Variants in CFAP92 observed in about 807,000 individuals in gnomAD.
CFAP92 encodes cilia and flagella associated protein 92 (putative).
In CFAP92, 86 loss-of-function variants were observed where a neutral mutation model predicts 106.3. The ratio of observed to expected loss-of-function variants is 0.81; its 90% CI spans 0.68 to 0.97. The LOEUF is 0.97. CFAP92 is among the 50% of genes least tolerant of loss of function. CFAP92 has a pLI of 0.00. For missense variants in CFAP92, 1,204 were observed against 1,283.8 expected (o/e 0.94, Z 0.95); for synonymous variants, 477 against 506.4 (o/e 0.94, Z 0.78).
At chr3:128,975,617 G>C (rs1023846022) in intron 7 of CFAP92, among the ~76,000 whole-genome samples, 162 bp downstream of exon 7, 1 of 152,182 alleles carries the variant, frequency 6.6e-6, no homozygotes, top group African/African-American at 2.4e-5. Context: ...TAGACGGTAA[G>C]GATGGGATGC....
chr3:128,975,245 A>G (rs2107788522), intron 7 of CFAP92, among the ~76,000 whole-genome samples: 1 of 152,358 alleles, frequency 6.6e-6, no homozygotes, highest in African/African-American at 2.4e-5. Flanking sequence ...CACAACATCT[A>G]TCACAAAGAA....
At chr3:128,946,018 A>G in intron 9 of CFAP92, 43 bp from the exon 10 acceptor site, 1 of 1,357,210 alleles carries the variant, frequency 7.4e-7, no homozygotes, top group Non-Finnish European at 9.6e-7. Flanking sequence ...AGCCACAAGG[A>G]CAGTCACTCA....
At chr3:129,002,034 G>A (rs1448679388) in intron 1 of CFAP92, 2 of 1,543,990 alleles carry the variant, frequency 1.3e-6, no homozygotes, top group East Asian at 2.5e-5. Flanking sequence ...GCTGCGCGCC[G>A]AGCCGCCGGA....
chr3:128,935,907 T>C (rs1576438783), intron 10 of CFAP92, among the ~76,000 whole-genome samples: 1 of 151,886 alleles, frequency 6.6e-6, no homozygotes, highest in African/African-American at 2.4e-5. Context: ...ACTAAAAGGA[T>C]AGAAAAAAAA....
rs745735904 is a variant in CFAP92 at position 128,912,486 on chromosome 3, ATC to A, written c.3281-2155_3281-2154del. The A allele has an allele frequency of 4.4e-6, 7 of 1,604,602 alleles. No individual in the cohort carries two copies. In the African/African-American group the frequency reaches 9.4e-5, roughly 21 times the overall value. On this transcript the variant is annotated intron_variant, in intron 15 of 15. Transcript: ENST00000645291. ...TCACGGTGCAGAAAGATCACCCACC[ATC>A]TCTCCTTTTCCTTCCCAGATGCTCC... is the stretch of plus-strand genomic sequence containing the variant.
chr3:128,926,493 G>GA (rs1475856686), intron 12 of CFAP92, among the ~76,000 whole-genome samples: 1 of 152,146 alleles, frequency 6.6e-6, no homozygotes, highest in Non-Finnish European at 1.5e-5. Context: ...CAGGCTTGGG[G>GA]AGAAAGCCTG....
intron 9 of CFAP92, among the ~76,000 whole-genome samples, chr3:128,963,305 A>T (rs893782090): frequency 1.3e-5 from 2 of 152,174 alleles, no homozygotes; most frequent in Admixed American, 6.5e-5. Context: ...CTGTCCAAAC[A>T]ACTTGACCTT....
chr3:128,953,797 G>A (rs1303061182), intron 9 of CFAP92, among the ~76,000 whole-genome samples: 892 of 105,220 alleles, frequency 8.5e-3, no homozygotes, highest in Admixed American at 0.011. Context: ...GGTGGAGACG[G>A]GGTTTCGCTG....
chr3:128,932,831 G>C lies in CFAP92; in HGVS notation c.2620C>G (p.Pro874Ala). Residue 874 changes from proline to alanine, a missense_variant, in exon 12 of 16, where the codon CCC (proline) becomes GCC (alanine). Pro to Ala is a conservative substitution (Grantham distance 27). Transcript: ENST00000645291. ...KLFALPPQPA[P>A]NLEDYHSRNS... The stretch of plus-strand genomic sequence containing the variant: ...CGACTGTGGTAGTCCTCAAGATTGG[G>C]GGCAGGCTGAGGTGGTAGGGCAAAC... The C allele has an allele frequency of 1.3e-6, 2 of 1,536,232 alleles. No individual in the cohort carries two copies. The highest frequency in any genetic ancestry group is 1.2e-5 in the South Asian group (1 of 84,064).
the CFAP92 span, among the ~76,000 whole-genome samples, chr3:129,020,673 T>C: frequency 6.6e-6 from 1 of 152,062 alleles, no homozygotes; most frequent in Admixed American, 6.6e-5. Flanking sequence ...AAGTTGAGTC[T>C]CAAAGAGGTG....
the CFAP92 span, among the ~76,000 whole-genome samples, chr3:129,008,835 C>A: frequency 6.6e-6 from 1 of 152,204 alleles, no homozygotes; most frequent in Non-Finnish European, 1.5e-5. Flanking sequence ...TCCTAAGAGG[C>A]TCCTGGTCCC....
intron 4 of CFAP92, among the ~76,000 whole-genome samples, chr3:128,982,455 ACCATTAAAACTT>A (rs1943592555): frequency 6.6e-6 from 1 of 152,172 alleles, no homozygotes; most frequent in African/African-American, 2.4e-5. Context: ...TTCTATCCAG[ACCATTAAAACTT>A]CCTCTGTATC....
At chr3:128,988,317 G>A (rs1438693002) in intron 3 of CFAP92, among the ~76,000 whole-genome samples, 1 of 152,180 alleles carries the variant, frequency 6.6e-6, no homozygotes, top group East Asian at 1.9e-4. Context: ...AACGCGGGAG[G>A]ATGACTTGAG....
upstream of CFAP92, chr3:129,003,890 G>T (rs1029584961): frequency 5.8e-6 from 8 of 1,388,544 alleles, no homozygotes; most frequent in Non-Finnish European, 7.5e-6. Flanking sequence ...GGGCGCCCTG[G>T]CTGCGGCGGA....
chr3:128,931,453 G>GTA (rs57606032), intron 12 of CFAP92, among the ~76,000 whole-genome samples: 19,373 of 138,018 alleles, frequency 0.14, 2,055 homozygotes, highest in African/African-American at 0.33. Context: ...ATATATGTGT[G>GTA]TATATATATA....
intron 9 of CFAP92, among the ~76,000 whole-genome samples, chr3:128,963,687 G>C (rs1354025505): frequency 4.7e-5 from 7 of 149,780 alleles, no homozygotes; most frequent in African/African-American, 1.7e-4. Flanking sequence ...AGTTCCACCA[G>C]GCCTAATCGC....
chr3:128,945,888 A>C lies in CFAP92; in HGVS notation c.1441T>G (p.Tyr481Asp). ...AAGATGACGTTGATGTCCTGGAAAT[A>C]AACGTGGGTTCCATGGGGCTCCCCC... ...TKGEPHGTHV[Y>D]FQDINVIFLG... is the part of the protein sequence containing the mutation. Residue 481 changes from tyrosine (Y) to aspartate (D), a missense_variant, in exon 10 of 16, where the codon TAT becomes GAT. Physicochemically the swap from Tyr to Asp is radical, Grantham distance 160. Coordinates refer to ENST00000645291, the MANE Select transcript of CFAP92 (RefSeq NM_001394090.1). The C allele has an allele frequency of 6.8e-7, 1 of 1,469,798 alleles. No individual in the cohort carries two copies. 91.0% of individuals were successfully genotyped at this position (1,469,798 alleles called of 1,614,324 possible).
intron 4 of CFAP92, among the ~76,000 whole-genome samples, chr3:128,979,947 A>AACATAT (rs1553758977): frequency 1.6e-5 from 2 of 128,306 alleles, no homozygotes; most frequent in African/African-American, 6.0e-5. Context: ...AAAGTATAAT[A>AACATAT]ATATATATAT....
intron 15 of CFAP92, chr3:128,913,192 T>C (rs1025106957): frequency 7.7e-6 from 3 of 389,644 alleles, no homozygotes; most frequent in African/African-American, 2.1e-5. Flanking sequence ...AACCACCCTT[T>C]GGTGATGGCC....
Sources: gnomAD v4.1 joint callset for allele counts (sites outside exome capture counted in the v4.1 genomes callset) on GRCh38, gnomAD v4.1.1 for gene constraint, MANE v1.5 for transcripts, NCBI Gene and HGNC (gene_info 2026-07-23, HGNC 2026-07-21) for gene names.